Variants in GDPD5 observed in about 807,000 individuals in gnomAD.
GDPD5 encodes the protein glycerophosphodiester phosphodiesterase 2.
In GDPD5, 48 loss-of-function variants were observed where a neutral mutation model predicts 75.1. The ratio of observed to expected loss-of-function variants is 0.64; its 90% confidence interval spans 0.51 to 0.81. The LOEUF is 0.81. Ranked by LOEUF, GDPD5 falls within the 40% of genes least tolerant of loss-of-function variation. The pLI, the probability that GDPD5 is intolerant of heterozygous loss-of-function variation, is 0.00. For missense variants in GDPD5, 706 were observed against 822.6 expected, an observed-to-expected ratio of 0.86 and a Z score of 1.73; for synonymous variants, 336 against 339.0, an observed-to-expected ratio of 0.99 and a Z score of 0.10.
intron 1 of GDPD5, among the ~76,000 whole-genome samples, chr11:75,524,179 G>A (rs931603755): frequency 1.3e-5 from 2 of 152,396 alleles, no homozygotes; most frequent in Admixed American, 6.5e-5. Flanking sequence ...TTCCTGGGCA[G>A]AGGTATCCTG....
intron 1 of GDPD5, among the ~76,000 whole-genome samples, chr11:75,522,041 C>T (rs1941479518): frequency 6.6e-6 from 1 of 152,106 alleles, no homozygotes; most frequent in African/African-American, 2.4e-5. Context: ...TGGGCATTCA[C>T]CCCTCACTAA....
intron 3 of GDPD5, among the ~76,000 whole-genome samples, chr11:75,465,092 C>T (rs1443182879): frequency 3.9e-5 from 6 of 152,202 alleles, no homozygotes; most frequent in Admixed American, 2.6e-4. Flanking sequence ...ATCTGAGTCT[C>T]CCAAAGGGTG....
chr11:75,464,001 A>G (rs1592095587), intron 3 of GDPD5, among the ~76,000 whole-genome samples: 2 of 152,186 alleles, frequency 1.3e-5, no homozygotes, highest in East Asian at 1.9e-4. Flanking sequence ...CTCTGTCTAA[A>G]CTCACGCTCT....
Position 75,477,602 on chromosome 11 carries a change from G to A in GDPD5, c.117+17C>T. On this transcript the variant is annotated intron_variant, in intron 3 of 16. Transcript: ENST00000336898. Reference sequence around the variant, plus strand: ...GGGCTCACTGGGTCCCTCTGACCCTGTTCCAGGGTGGCTCACCGGTGTGGT... The same window carrying A: ...GGGCTCACTGGGTCCCTCTGACCCTATTCCAGGGTGGCTCACCGGTGTGGT... 1 of 1,536,322 alleles carries A rather than the reference G, an allele frequency of 6.5e-7. No homozygotes were observed. The highest frequency in any genetic ancestry group is 8.9e-7 in the Non-Finnish European group (1 of 1,126,678).
In GDPD5 at chr11:75,435,254, C is replaced by T; in HGVS notation, c.*253G>A. 1 of 424,336 alleles carries T rather than the reference C, an allele frequency of 2.4e-6. No individual in the cohort carries two copies. Among genetic ancestry groups the T allele is most frequent in the African/African-American group, 2.0e-5 (1 of 50,848 alleles). The allele number at this position is 424,336 out of a possible 1,614,324, so 26.3% of individuals were successfully genotyped here. On this transcript the variant is annotated 3_prime_UTR_variant, in exon 17 of 17. Coordinates refer to ENST00000336898, the MANE Select transcript of GDPD5 (RefSeq NM_030792.8). ...AGGGCCTCAGAAGAGGGGGACCAAG[C>T]CCTAGGCCCCATACTTCCCAGAAGG...
intron 1 of GDPD5, among the ~76,000 whole-genome samples, chr11:75,523,215 T>C (rs1941533235): frequency 6.6e-6 from 1 of 152,128 alleles, no homozygotes; most frequent in South Asian, 2.1e-4. Context: ...AGGGATGAAG[T>C]GATTTGCTCA....
chr11:75,448,558 G>A (rs903551522), intron 9 of GDPD5: 9 of 991,494 alleles, frequency 9.1e-6, no homozygotes, highest in Non-Finnish European at 1.1e-5. Context: ...TGATCCCTTC[G>A]TCTTTCTCCA....
intron 4 of GDPD5, among the ~76,000 whole-genome samples, chr11:75,461,614 A>G (rs1280581723): frequency 6.6e-6 from 1 of 152,222 alleles, no homozygotes; most frequent in East Asian, 1.9e-4. Context: ...TCTCCTAGGA[A>G]GCAGCCCTCA....
chr11:75,473,948 CCCTT>C (rs1419139672), intron 3 of GDPD5, among the ~76,000 whole-genome samples: 2 of 152,212 alleles, frequency 1.3e-5, no homozygotes, highest in African/African-American at 4.8e-5. Context: ...TGGGGGCCGG[CCCTT>C]CAAGGGAGGG....
At position 75,453,759 on chromosome 11, in the gene GDPD5, G is replaced by T. The variant is rs188632783; in HGVS notation, c.375+2998C>A. On this transcript the variant is annotated intron_variant, in intron 6 of 16. Coordinates refer to ENST00000336898, the MANE Select transcript of GDPD5 (RefSeq NM_030792.8). ...AATACATAAAGAAAATTTAGTATAT[G>T]ATAAAAATAGCATCTCAAATGAATA... is the stretch of plus-strand genomic sequence containing the variant. Among the ~76,000 whole-genome samples, 464 of 152,160 alleles carry T rather than the reference G, an allele frequency of 3.0e-3. 2 individuals are homozygous for T. Among genetic ancestry groups the T allele is most frequent in the Non-Finnish European group, 3.9e-3 (265 of 68,008 alleles).
chr11:75,455,175 C>A (rs73006143), intron 6 of GDPD5: 7,162 of 400,138 alleles, frequency 0.018, 122 homozygotes, highest in South Asian at 0.038. Flanking sequence ...ATAGGCCTCT[C>A]CACTAGAATC....
rs779675859 is a variant in GDPD5, at chr11:75,444,400, C to T, written c.797+13G>A. The T allele has an allele frequency of 6.2e-7, 1 of 1,604,154 alleles. No homozygotes were observed. The highest frequency in any genetic ancestry group is 8.5e-7 in the Non-Finnish European group (1 of 1,171,328). On this transcript the variant is annotated intron_variant, in intron 10 of 16. Transcript: ENST00000336898. ...GAGGGGTAGAGGAACTATCTCCCCT[C>T]CGCTACACCTACCTGATGGTAATGT...
Position 75,441,821 on chromosome 11 carries a change from G to C in GDPD5, c.1168-18C>G, listed in dbSNP as rs1285676164. 1 of 1,599,294 alleles carries C rather than the reference G, an allele frequency of 6.3e-7. No individual in the cohort carries two copies. Among genetic ancestry groups the C allele is most frequent in the Non-Finnish European group, 8.5e-7 (1 of 1,176,340 alleles). ...CACATGACCTGCAGGCAGAAGAGAG[G>C]CAGCCTCAGACTTCTCTTCTGCACG... is the stretch of plus-strand genomic sequence containing the variant. On this transcript the variant is annotated intron_variant, in intron 12 of 16. Transcript: ENST00000336898.
chr11:75,500,958 C>T (rs1950294407), intron 1 of GDPD5, among the ~76,000 whole-genome samples: 1 of 152,220 alleles, frequency 6.6e-6, no homozygotes, highest in South Asian at 2.1e-4. Flanking sequence ...CATGCCTTCA[C>T]CTGTTTTCTT....
chr11:75,484,688 C>T (rs1949985965), intron 2 of GDPD5, among the ~76,000 whole-genome samples: 1 of 152,074 alleles, frequency 6.6e-6, no homozygotes, highest in African/African-American at 2.4e-5. Context: ...AGTTCAAGAC[C>T]AGCCTGGGCA....
intron 15 of GDPD5, among the ~76,000 whole-genome samples, chr11:75,439,536 C>T (rs747260277): frequency 1.4e-4 from 21 of 151,650 alleles, no homozygotes; most frequent in Admixed American, 3.9e-4. Flanking sequence ...AACCACACCT[C>T]CCCACTGCGA....
intron 3 of GDPD5, among the ~76,000 whole-genome samples, chr11:75,473,620 G>C (rs1017072226): frequency 6.6e-6 from 1 of 152,056 alleles, no homozygotes; most frequent in Non-Finnish European, 1.5e-5. Flanking sequence ...CCCGAGCCTG[G>C]CTCAGGCCCC....
At chr11:75,511,434 G>A (rs1259341677) in intron 1 of GDPD5, among the ~76,000 whole-genome samples, 2 of 152,152 alleles carry the variant, frequency 1.3e-5, no homozygotes, top group African/African-American at 2.4e-5. Context: ...CACCCATTGG[G>A]GTCCCTAATT....
chr11:75,448,422 C>T (rs1351342820), intron 9 of GDPD5: 2 of 942,582 alleles, frequency 2.1e-6, no homozygotes. Flanking sequence ...TGTTGGGCCT[C>T]CCACAGCTGG....
Sources: allele counts gnomAD v4.1 joint callset (sites outside exome capture counted in the v4.1 genomes callset), GRCh38; gene constraint gnomAD v4.1.1; transcripts MANE v1.5; gene names NCBI Gene and HGNC (gene_info 2026-07-23, HGNC 2026-07-21).